The following ERAP1 variants were observed in gnomAD, a reference collection of about 807,000 sequenced individuals.
The protein encoded by ERAP1 is endoplasmic reticulum aminopeptidase 1.
A neutral mutation model predicts 103.7 loss-of-function variants in ERAP1; 86 were observed. The ratio of observed to expected loss-of-function variants is 0.83; its 90% CI spans 0.70 to 0.99. The LOEUF (loss-of-function observed/expected upper bound fraction) is 0.99. ERAP1 is among the 50% of genes least tolerant of loss of function. ERAP1 has a pLI of 0.00. For synonymous variants in ERAP1, 398 were observed against 402.4 expected (o/e 0.99, Z 0.13); for missense variants, 1,009 against 1,128.4 (o/e 0.89, Z 1.52).
the ERAP1 span, among the ~76,000 whole-genome samples, chr5:96,845,522 C>T: frequency 1.3e-5 from 2 of 152,058 alleles, no homozygotes; most frequent in Admixed American, 1.3e-4. Context: ...GGTGGGGATC[C>T]ACACTGCCTG....
At chr5:96,765,301 C>T (rs1288839618) in intron 19 of ERAP1, 10 of 766,616 alleles carry the variant, frequency 1.3e-5, no homozygotes, top group Non-Finnish European at 1.7e-5. Flanking sequence ...CAGATGAGAA[C>T]AAACCAATGG....
intron 11 of ERAP1, chr5:96,786,823 A>C: frequency 2.5e-6 from 1 of 398,086 alleles, no homozygotes; most frequent in African/African-American, 2.0e-5. Flanking sequence ...GGCTGATTGC[A>C]TCTCAGAGGC....
the ERAP1 span, among the ~76,000 whole-genome samples, chr5:96,852,380 T>C: frequency 0.22 from 32,754 of 152,084 alleles, 4,271 homozygotes; most frequent in East Asian, 0.45. Flanking sequence ...ACAGAAACCC[T>C]GATGTCTCCA....
chr5:96,827,691 G>A, the ERAP1 span, among the ~76,000 whole-genome samples: 5 of 140,098 alleles, frequency 3.6e-5, no homozygotes, highest in Non-Finnish European at 7.8e-5. Context: ...AAATAAAAAC[G>A]TTTTTTGGGA....
the ERAP1 span, among the ~76,000 whole-genome samples, chr5:96,872,776 G>A: frequency 6.6e-6 from 1 of 152,140 alleles, no homozygotes; most frequent in Admixed American, 6.5e-5. Flanking sequence ...ATTATTTTAA[G>A]AAGATGTTTC....
chr5:96,898,979 A>C, the ERAP1 span, among the ~76,000 whole-genome samples: 5,776 of 152,252 alleles, frequency 0.038, 190 homozygotes, highest in Middle Eastern at 0.12. Context: ...AACACGGAAG[A>C]ATCTATCATT....
chr5:96,902,007 T>C, the ERAP1 span, among the ~76,000 whole-genome samples: 6,167 of 152,316 alleles, frequency 0.04, 212 homozygotes, highest in Middle Eastern at 0.12. Context: ...ATTGTTATGG[T>C]ATGAGATTAG....
At chr5:96,850,448 C>A in the ERAP1 span, among the ~76,000 whole-genome samples, 2 of 152,096 alleles carry the variant, frequency 1.3e-5, no homozygotes, top group Non-Finnish European at 2.9e-5. Context: ...AGACATTTCT[C>A]GTAGAAAGAC....
the ERAP1 span, among the ~76,000 whole-genome samples, chr5:96,851,137 T>C: frequency 3.3e-5 from 5 of 152,240 alleles, no homozygotes; most frequent in Admixed American, 6.5e-5. Context: ...AAGCCCAGGA[T>C]AATTATATTA....
chr5:96,919,113 G>A, the ERAP1 span: 75,915 of 152,044 alleles, frequency 0.5, 19,132 homozygotes, highest in African/African-American at 0.57. Context: ...TATTAAGGAA[G>A]ACTTGGGATG....
the ERAP1 span, among the ~76,000 whole-genome samples, chr5:96,847,404 A>G: frequency 1.3e-5 from 2 of 152,192 alleles, no homozygotes; most frequent in Admixed American, 6.5e-5. Context: ...CTCCCAACAC[A>G]ATGGAAAGAT....
At position 96,781,695 on chromosome 5, in the gene ERAP1, T is replaced by C. The variant is rs1460826448; in HGVS notation, c.2445A>G (p.Gln815=). The change falls in exon 16 of 19, where the codon CAA becomes CAG. Residue 815 remains glutamine, a splice_region_variant and synonymous_variant. Transcript: ENST00000443439. ...LCRTQNKEKL[Q]WLLDESFKGD... is the part of the protein sequence containing the mutation. ...ACATGAATGAATGACGGACTCACCA[T>C]TGAAGCTTTTCCTTATTTTGGGTTC... The C allele has an allele frequency of 1.9e-6, 3 of 1,614,042 alleles. No homozygotes were observed. The highest frequency in any genetic ancestry group is 1.3e-5 in the African/African-American group (1 of 74,938).
chr5:96,853,616 T>A, the ERAP1 span, among the ~76,000 whole-genome samples: 5 of 152,222 alleles, frequency 3.3e-5, no homozygotes, highest in Non-Finnish European at 5.9e-5. Context: ...CAGGAAGGGT[T>A]TTATGATGTG....
the ERAP1 span, among the ~76,000 whole-genome samples, chr5:96,858,557 T>A: frequency 6.6e-6 from 1 of 152,198 alleles, no homozygotes; most frequent in Non-Finnish European, 1.5e-5. Context: ...TACTTGGTGA[T>A]TAATGACAGC....
the ERAP1 span, chr5:96,917,634 C>A: frequency 1.3e-6 from 2 of 1,569,170 alleles, no homozygotes; most frequent in Admixed American, 3.5e-5. Context: ...AGGCTGGGCG[C>A]GGTGGCTCAC....
the ERAP1 span, among the ~76,000 whole-genome samples, chr5:96,821,461 G>T: frequency 6.6e-6 from 1 of 152,112 alleles, no homozygotes; most frequent in Non-Finnish European, 1.5e-5. Context: ...TTTCCTTCCT[G>T]TGGGCACACG....
the ERAP1 span, among the ~76,000 whole-genome samples, chr5:96,825,102 G>A: frequency 6.6e-6 from 1 of 152,208 alleles, no homozygotes; most frequent in African/African-American, 2.4e-5. Context: ...TCATTGGTCA[G>A]TAAGTTCCAT....
chr5:96,762,191 T>A lies in ERAP1; in HGVS notation c.*1009A>T, dbSNP rs27980. On this transcript the variant is annotated 3_prime_UTR_variant, in exon 20 of 20. Transcript: ENST00000296754. ...GAGAATAAACAGTCATTAAGCTATC[T>A]TTAAGAGTTATAGTTAAGTGATGGC... is the stretch of plus-strand genomic sequence containing the variant. The A allele has an allele frequency of 1.5e-5, 11 of 757,394 alleles. No individual in the cohort carries two copies. The East Asian group carries it at 2.0e-4, about 14-fold the overall frequency. The allele number at this position is 757,394 out of a possible 1,614,324, so 46.9% of individuals were successfully genotyped here.
chr5:96,887,092 T>TAC, the ERAP1 span, among the ~76,000 whole-genome samples: 1 of 99,140 alleles, frequency 1.0e-5, no homozygotes, highest in East Asian at 3.4e-4. Context: ...TATATATATA[T>TAC]ATATATATAC....
Sources: allele counts gnomAD v4.1 joint callset (sites outside exome capture counted in the v4.1 genomes callset), GRCh38; gene constraint gnomAD v4.1.1; transcripts MANE v1.5; gene names NCBI Gene and HGNC (gene_info 2026-07-23, HGNC 2026-07-21).